Variants in SGK3 observed in about 807,000 individuals in gnomAD.
The protein encoded by SGK3 is serine/threonine-protein kinase Sgk3.
In SGK3, 47 loss-of-function variants were observed where a neutral mutation model predicts 68.5. That is an observed-to-expected ratio of 0.69 (90% CI 0.54 to 0.87). The LOEUF is 0.87. Among genes scored for constraint, SGK3 ranks in the 40% least tolerant of loss-of-function variants. SGK3 has a pLI of 0.00. For missense variants in SGK3, 479 were observed against 575.5 expected (o/e 0.83, Z 1.72); for synonymous variants, 181 against 189.1 (o/e 0.96, Z 0.35).
intron 1 of SGK3, among the ~76,000 whole-genome samples, chr8:66,740,092 A>G (rs1805436535): frequency 6.6e-6 from 1 of 152,214 alleles, no homozygotes. Context: ...GACAAACCTC[A>G]TAGAAACAAT....
chr8:66,832,958 T>A (rs1809364278), intron 8 of SGK3, among the ~76,000 whole-genome samples: 2 of 151,980 alleles, frequency 1.3e-5, no homozygotes, highest in Admixed American at 1.3e-4. Flanking sequence ...AGGGCCACCT[T>A]TATCATGTAT....
chr8:66,793,565 G>A (rs1269615795), intron 1 of SGK3, 51 bp from the exon 2 acceptor site: 4 of 558,440 alleles, frequency 7.2e-6, no homozygotes, highest in Admixed American at 3.3e-5. Context: ...GACAGTCATA[G>A]TATTTTAAAG....
intron 1 of SGK3, among the ~76,000 whole-genome samples, chr8:66,719,543 C>T (rs1023832844): frequency 2.0e-5 from 3 of 151,888 alleles, no homozygotes; most frequent in Non-Finnish European, 2.9e-5. Context: ...GGTCTCGAAC[C>T]CCTGGACTCA....
intron 4 of SGK3, among the ~76,000 whole-genome samples, chr8:66,810,677 G>A (rs763075043): frequency 6.6e-6 from 1 of 152,092 alleles, no homozygotes; most frequent in Non-Finnish European, 1.5e-5. Flanking sequence ...CTCCAGCCTA[G>A]GCAACAAGAA....
chr8:66,796,534 G>A (rs536092732), intron 2 of SGK3, among the ~76,000 whole-genome samples: 17 of 151,784 alleles, frequency 1.1e-4, no homozygotes, highest in African/African-American at 3.9e-4. Context: ...CTGGGCTCAA[G>A]TGATTCTCCT....
At chr8:66,779,684 T>G (rs1365173408) in intron 1 of SGK3, among the ~76,000 whole-genome samples, 4 of 112,898 alleles carry the variant, frequency 3.5e-5, no homozygotes, top group Non-Finnish European at 6.5e-5. Flanking sequence ...AATTAGGGCA[T>G]ATATATATAT....
intron 6 of SGK3, among the ~76,000 whole-genome samples, chr8:66,827,884 G>GTAATCCC (rs1435478392): frequency 6.6e-6 from 1 of 152,122 alleles, no homozygotes; most frequent in African/African-American, 2.4e-5. Flanking sequence ...AGCACTTTGG[G>GTAATCCC]AGGCTAAGGC....
chr8:66,755,442 G>A, intron 1 of SGK3, among the ~76,000 whole-genome samples: 1 of 152,190 alleles, frequency 6.6e-6, no homozygotes, highest in East Asian at 1.9e-4. Context: ...GATGTCAGGT[G>A]TGGAATATTC....
At chr8:66,796,446 T>C (rs950635672) in intron 2 of SGK3, among the ~76,000 whole-genome samples, 6 of 142,062 alleles carry the variant, frequency 4.2e-5, no homozygotes, top group Admixed American at 3.8e-4. Context: ...ATTATAGGCA[T>C]GAGCCACCAC....
chr8:66,784,796 G>T (rs1242038745), intron 1 of SGK3, among the ~76,000 whole-genome samples: 1 of 151,914 alleles, frequency 6.6e-6, no homozygotes, highest in Non-Finnish European at 1.5e-5. Flanking sequence ...TTATCATAGC[G>T]TTTCACCCAT....
chr8:66,737,918 G>C (rs746073736), intron 1 of SGK3, among the ~76,000 whole-genome samples: 1 of 151,668 alleles, frequency 6.6e-6, no homozygotes, highest in African/African-American at 2.4e-5. Flanking sequence ...ACCCAGCCCC[G>C]GACCTTTATG....
intron 1 of SGK3, among the ~76,000 whole-genome samples, chr8:66,729,020 C>T (rs912551415): frequency 6.6e-6 from 1 of 151,280 alleles, no homozygotes; most frequent in African/African-American, 2.4e-5. Context: ...GAGATGGAGA[C>T]CATCCTGGCT....
intron 1 of SGK3, among the ~76,000 whole-genome samples, chr8:66,751,456 T>C (rs1253598087): frequency 6.6e-6 from 1 of 152,150 alleles, no homozygotes; most frequent in Admixed American, 6.5e-5. Flanking sequence ...AAAGGAGAAC[T>C]CTTTTCTCAT....
intron 15 of SGK3, among the ~76,000 whole-genome samples, chr8:66,848,229 T>G (rs1810115820): frequency 2.0e-5 from 3 of 152,180 alleles, no homozygotes; most frequent in African/African-American, 7.2e-5. Context: ...TTGAATTCAT[T>G]GACAGAGATT....
chr8:66,837,066 T>G (rs1474300094), intron 10 of SGK3, among the ~76,000 whole-genome samples: 1 of 152,188 alleles, frequency 6.6e-6, no homozygotes, highest in Non-Finnish European at 1.5e-5. Context: ...TCTTTGTACA[T>G]ATAATTTTAC....
intron 4 of SGK3, among the ~76,000 whole-genome samples, chr8:66,809,012 G>A (rs1372612493): frequency 2.6e-5 from 4 of 151,462 alleles, no homozygotes; most frequent in East Asian, 3.9e-4. Flanking sequence ...TGGGATTACA[G>A]GCGTGTGCCA....
intron 1 of SGK3, among the ~76,000 whole-genome samples, chr8:66,714,173 G>C (rs963776170): frequency 1.3e-5 from 2 of 152,162 alleles, no homozygotes; most frequent in Non-Finnish European, 2.9e-5. Flanking sequence ...ACATAGTTTA[G>C]ATATGAGGGT....
intron 1 of SGK3, among the ~76,000 whole-genome samples, chr8:66,740,776 G>A (rs146852760): frequency 1.3e-5 from 2 of 152,120 alleles, no homozygotes; most frequent in Middle Eastern, 3.4e-3. Context: ...GTGTGGTGGT[G>A]CACGCCCGTA....
intron 4 of SGK3, among the ~76,000 whole-genome samples, chr8:66,812,062 T>TATA (rs1808401020): frequency 6.6e-6 from 1 of 152,212 alleles, no homozygotes; most frequent in South Asian, 2.1e-4. Flanking sequence ...AGCCATACCT[T>TATA]ACATTTAAGA....
Sources: gnomAD v4.1 joint callset for allele counts (sites outside exome capture counted in the v4.1 genomes callset) on GRCh38, gnomAD v4.1.1 for gene constraint, MANE v1.5 for transcripts, NCBI Gene and HGNC (gene_info 2026-07-23, HGNC 2026-07-21) for gene names.